The following SLIT3 variants were observed in gnomAD, a reference collection of about 807,000 sequenced individuals.
The protein encoded by SLIT3 is slit homolog 3 protein.
A neutral mutation model predicts 184.0 loss-of-function variants in SLIT3; 68 were observed. The ratio of observed to expected loss-of-function variants is 0.37; its 90% confidence interval spans 0.30 to 0.45. SLIT3 has a LOEUF of 0.45. Among genes scored for constraint, SLIT3 ranks in the 20% least tolerant of loss-of-function variants. The pLI is 1.00. For missense variants in SLIT3, 1,707 were observed against 2,026.0 expected (o/e 0.84, Z 3.02); for synonymous variants, 831 against 828.6 (o/e 1.00, Z -0.05).
At chr5:169,072,444 C>A (rs1196041759) in intron 4 of SLIT3, among the ~76,000 whole-genome samples, 1 of 152,156 alleles carries the variant, frequency 6.6e-6, no homozygotes, top group Non-Finnish European at 1.5e-5. Context: ...GATGACTCTG[C>A]ACAAAGGCAA....
chr5:168,671,425 G>T lies in SLIT3; in HGVS notation c.3900C>A (p.Gly1300=), dbSNP rs140984258. 6.2e-7 allele frequency: 1 copy of T among 1,613,696 alleles called. No homozygotes were observed. Among genetic ancestry groups the T allele is most frequent in the Admixed American group, 1.7e-5 (1 of 59,972 alleles). ...ALRQGTDRPL[G]GFHGCIHEVR... is the part of the protein sequence containing the mutation. ...CCTCATGGATGCATCCGTGGAAGCCGCCTAGAGGCCGGTCCGTGCCCTGGC... is the reference window on the plus strand; with the variant it reads ...CCTCATGGATGCATCCGTGGAAGCCTCCTAGAGGCCGGTCCGTGCCCTGGC... The change falls in exon 34 of 36, where the codon GGC becomes GGA. Residue 1300 remains glycine, a synonymous_variant. Transcript: ENST00000519560.
intron 4 of SLIT3, among the ~76,000 whole-genome samples, chr5:168,897,529 G>C (rs1760711029): frequency 6.6e-6 from 1 of 152,016 alleles, no homozygotes. Context: ...AAAAGTCGGA[G>C]ACTGAAACAC....
chr5:169,044,810 A>G (rs1157525314), intron 4 of SLIT3, among the ~76,000 whole-genome samples: 2 of 152,230 alleles, frequency 1.3e-5, no homozygotes, highest in African/African-American at 2.4e-5. Context: ...GAATGTCTCT[A>G]AACAGTGGGG....
intron 4 of SLIT3, among the ~76,000 whole-genome samples, chr5:169,109,523 G>C (rs1299843784): frequency 6.6e-6 from 1 of 152,212 alleles, no homozygotes; most frequent in Non-Finnish European, 1.5e-5. Context: ...ATAGAAATGT[G>C]AGATAGTAAA....
At chr5:168,836,487 C>A (rs1435589770) in intron 6 of SLIT3, among the ~76,000 whole-genome samples, 1 of 152,162 alleles carries the variant, frequency 6.6e-6, no homozygotes, top group Non-Finnish European at 1.5e-5. Context: ...GGCTGCTCTA[C>A]GGTATTTCCC....
intron 4 of SLIT3, among the ~76,000 whole-genome samples, chr5:168,907,971 T>TAGAGAGAGAGAGAG (rs1258570486): frequency 5.6e-5 from 4 of 71,118 alleles, no homozygotes; most frequent in African/African-American, 1.9e-4. Flanking sequence ...TATATATATA[T>TAGAGAGAGAGAGAG]ATATATATAG....
chr5:169,149,584 A>G (rs177072), intron 4 of SLIT3, among the ~76,000 whole-genome samples: 3,495 of 152,330 alleles, frequency 0.023, 122 homozygotes, highest in East Asian at 0.089. Context: ...GCCACCGTTT[A>G]CCTACTTTTG....
chr5:168,857,088 C>G (rs1181019002), intron 5 of SLIT3, among the ~76,000 whole-genome samples: 1 of 152,090 alleles, frequency 6.6e-6, no homozygotes, highest in Non-Finnish European at 1.5e-5. Flanking sequence ...CTAAGTAAAT[C>G]CGAAAACATC....
Position 168,671,395 on chromosome 5 carries a change from G to A in SLIT3, c.3930C>T (p.Arg1310=), listed in dbSNP as rs1761237510. The A allele has an allele frequency of 6.2e-7, 1 of 1,614,152 alleles. No individual in the cohort carries two copies. The highest frequency in any genetic ancestry group is 8.5e-7 in the Non-Finnish European group (1 of 1,180,020). The stretch of plus-strand genomic sequence containing the variant: ...TGAAGTCCTGCAGCTCGTTGTTGAT[G>A]CGCACCTCATGGATGCATCCGTGGA... The part of the protein sequence containing the change: ...GGFHGCIHEV[R]INNELQDFKA... The change falls in exon 34 of 36, where the codon CGC becomes CGT. Residue 1310 remains arginine, a synonymous_variant. Transcript: ENST00000519560.
chr5:168,941,376 C>T (rs967111480), intron 4 of SLIT3, among the ~76,000 whole-genome samples: 7 of 152,168 alleles, frequency 4.6e-5, no homozygotes, highest in Non-Finnish European at 4.4e-5. Context: ...CCTTCCCACA[C>T]CTCCTTTTCT....
chr5:168,673,113 G>C (rs1421986758), intron 33 of SLIT3, 64 bp downstream of exon 33: 2 of 1,533,916 alleles, frequency 1.3e-6, no homozygotes, highest in African/African-American at 1.4e-5. Context: ...CAGTGGCCTG[G>C]GTTTCTGTAC....
intron 32 of SLIT3, among the ~76,000 whole-genome samples, chr5:168,679,519 C>T (rs1376003761): frequency 6.6e-6 from 1 of 152,132 alleles, no homozygotes. Context: ...AAATAAAAGA[C>T]TTAAGGGTCA....
At chr5:169,218,813 G>C (rs527876925) in intron 3 of SLIT3, among the ~76,000 whole-genome samples, 1 of 152,326 alleles carries the variant, frequency 6.6e-6, no homozygotes, top group East Asian at 1.9e-4. Context: ...GCAGAATGCA[G>C]AATGCTGGTC....
rs186717216 is a variant in SLIT3, at chr5:168,917,495, C to G, written c.414-34159G>C. On this transcript the variant is annotated intron_variant, in intron 4 of 35. Coordinates refer to ENST00000519560, the MANE Select transcript of SLIT3 (RefSeq NM_003062.4). ...TATTGATATTCCATGCTGAGGAATT[C>G]CAACCAGTACTCCAAACAAGACACA... Among the ~76,000 whole-genome samples the G allele has an allele frequency of 1.2e-4, 18 of 152,274 alleles. No homozygotes were observed. The East Asian group carries it at 2.3e-3, about 20-fold the overall frequency.
At chr5:169,191,669 C>T (rs1285345172) in intron 4 of SLIT3, among the ~76,000 whole-genome samples, 2 of 152,136 alleles carry the variant, frequency 1.3e-5, no homozygotes, top group South Asian at 2.1e-4. Flanking sequence ...GCTCTCAGGA[C>T]GTGGCAGAGG....
At chr5:169,234,943 A>G (rs1765141785) in intron 3 of SLIT3, among the ~76,000 whole-genome samples, 1 of 152,214 alleles carries the variant, frequency 6.6e-6, no homozygotes, top group Non-Finnish European at 1.5e-5. Context: ...TGAGTCTCTG[A>G]TTGAATGCTT....
chr5:169,041,566 G>A (rs954130661), intron 4 of SLIT3, among the ~76,000 whole-genome samples: 1 of 152,172 alleles, frequency 6.6e-6, no homozygotes, highest in Non-Finnish European at 1.5e-5. Context: ...AGAATAATTA[G>A]TCCTACAGTG....
At chr5:169,136,664 G>A (rs1489240963) in intron 4 of SLIT3, among the ~76,000 whole-genome samples, 1 of 152,142 alleles carries the variant, frequency 6.6e-6, no homozygotes, top group East Asian at 1.9e-4. Flanking sequence ...CTAAAAACAA[G>A]CCCAATGCCT....
intron 5 of SLIT3, among the ~76,000 whole-genome samples, chr5:168,852,665 C>T (rs1481715081): frequency 6.6e-6 from 1 of 152,214 alleles, no homozygotes; most frequent in East Asian, 1.9e-4. Flanking sequence ...ATTAAGACTT[C>T]CTTGAATTTT....
Sources: gnomAD v4.1 joint callset for allele counts (sites outside exome capture counted in the v4.1 genomes callset) on GRCh38, gnomAD v4.1.1 for gene constraint, MANE v1.5 for transcripts, NCBI Gene and HGNC (gene_info 2026-07-23, HGNC 2026-07-21) for gene names.